TRIQK: variants seen among roughly 807,000 people sequenced by gnomAD.
The protein encoded by TRIQK is triple QxxK/R motif containing.
A neutral mutation model predicts 10.8 loss-of-function variants in TRIQK; 10 were observed. The ratio of observed to expected loss-of-function variants is 0.92; its 90% confidence interval spans 0.57 to 1.57. TRIQK has a LOEUF of 1.57. TRIQK is among the 40% of genes most tolerant of loss of function. TRIQK has a pLI of 0.00. For missense variants in TRIQK, 107 were observed against 97.7 expected (o/e 1.09, Z -0.40); for synonymous variants, 33 against 33.7 (o/e 0.98, Z 0.07).
intron 2 of TRIQK, among the ~76,000 whole-genome samples, chr8:92,938,822 A>T (rs547766690): frequency 6.6e-6 from 1 of 152,338 alleles, no homozygotes; most frequent in African/African-American, 2.4e-5. Flanking sequence ...CTCAAAAATT[A>T]TACTTTTCAC....
At chr8:93,005,158 G>A (rs1813255113) in intron 1 of TRIQK, among the ~76,000 whole-genome samples, 1 of 152,212 alleles carries the variant, frequency 6.6e-6, no homozygotes, top group Non-Finnish European at 1.5e-5. Flanking sequence ...GAAGAAAAGA[G>A]GTTTAATTGA....
chr8:92,925,373 A>G (rs577269480), intron 2 of TRIQK, among the ~76,000 whole-genome samples: 141 of 152,298 alleles, frequency 9.3e-4, no homozygotes, highest in African/African-American at 3.1e-3. Context: ...ATATATCATA[A>G]AAGAGAAAAA....
At chr8:92,982,362 A>G (rs1329906972) in intron 1 of TRIQK, among the ~76,000 whole-genome samples, 1 of 152,006 alleles carries the variant, frequency 6.6e-6, no homozygotes, top group East Asian at 1.9e-4. Context: ...AGAAATAAAG[A>G]TTTATGTATT....
At chr8:92,890,618 G>A (rs1816713834) in intron 4 of TRIQK, among the ~76,000 whole-genome samples, 1 of 151,606 alleles carries the variant, frequency 6.6e-6, no homozygotes, top group African/African-American at 2.4e-5. Flanking sequence ...GTATAAAACT[G>A]GTATATAAAT....
chr8:92,973,490 T>C (rs553290409), intron 1 of TRIQK: 1 of 152,322 alleles, frequency 6.6e-6, no homozygotes, highest in Admixed American at 6.5e-5. Context: ...GATGGCACAT[T>C]TTACTTTTTT....
At chr8:93,008,739 A>C (rs1467736455) in intron 1 of TRIQK, among the ~76,000 whole-genome samples, 1 of 152,210 alleles carries the variant, frequency 6.6e-6, no homozygotes, top group Non-Finnish European at 1.5e-5. Context: ...TGGTGAAAGG[A>C]TAGTCTCTTC....
intron 1 of TRIQK, among the ~76,000 whole-genome samples, chr8:92,960,216 A>G (rs1223131395): frequency 6.6e-6 from 1 of 151,990 alleles, no homozygotes; most frequent in Non-Finnish European, 1.5e-5. Context: ...CTATCTATCT[A>G]TCTATGTATC....
intron 3 of TRIQK, among the ~76,000 whole-genome samples, chr8:92,895,568 G>T (rs1028819799): frequency 6.6e-6 from 1 of 152,178 alleles, no homozygotes; most frequent in Non-Finnish European, 1.5e-5. Flanking sequence ...GTCATAATCA[G>T]AATGTTTGTA....
rs975630869 is a variant in TRIQK, at chr8:92,893,450, A to G, written c.62-1376T>C. On this transcript the variant is annotated intron_variant, in intron 3 of 4. Coordinates refer to ENST00000521988, the MANE Select transcript of TRIQK (RefSeq NM_001171797.2). ...ATGAGCATGCAGAAGCTTAATAAATATTATTTGATGATGGGGTCTGATGAT... is the reference window on the plus strand; with the variant it reads ...ATGAGCATGCAGAAGCTTAATAAATGTTATTTGATGATGGGGTCTGATGAT... Among the ~76,000 whole-genome samples the G allele has an allele frequency of 2.6e-5, 4 of 152,016 alleles. No homozygotes were observed. The East Asian group carries it at 7.7e-4, about 29-fold the overall frequency.
At chr8:92,937,509 T>A (rs1811051650) in intron 2 of TRIQK, among the ~76,000 whole-genome samples, 1 of 151,778 alleles carries the variant, frequency 6.6e-6, no homozygotes, top group Admixed American at 6.6e-5. Flanking sequence ...TGTAATTAAA[T>A]ATGTTTGCAT....
chr8:92,990,849 T>G (rs1813088528), intron 1 of TRIQK, among the ~76,000 whole-genome samples: 1 of 152,072 alleles, frequency 6.6e-6, no homozygotes, highest in Non-Finnish European at 1.5e-5. Context: ...CCAAGCTAGC[T>G]GCAGGAGTTT....
intron 2 of TRIQK, chr8:92,922,131 A>G (rs141231279): frequency 6.6e-6 from 1 of 151,928 alleles, no homozygotes; most frequent in African/African-American, 2.4e-5. Context: ...CTAAGAAAAC[A>G]TTTTAAAATT....
intron 4 of TRIQK, among the ~76,000 whole-genome samples, chr8:92,889,834 T>G (rs563683288): frequency 6.6e-6 from 1 of 151,708 alleles, no homozygotes; most frequent in Non-Finnish European, 1.5e-5. Flanking sequence ...GGGGATAGGA[T>G]TCTAGGCCTC....
Position 92,898,840 on chromosome 8 carries a change from T to C in TRIQK, c.62-6766A>G, listed in dbSNP as rs1377638008. ...CATAATAGGTGTGTGTGTGTATATA[T>C]ATATATATATATATATATATATATA... On this transcript the variant is annotated intron_variant, in intron 3 of 4. Transcript: ENST00000521988. Among the ~76,000 whole-genome samples, 3 of 70,300 alleles carry C rather than the reference T, an allele frequency of 4.3e-5. No homozygotes were observed. In the East Asian group the frequency reaches 1.1e-3, roughly 25 times the overall value. The allele number at this position is 70,300 out of a possible 152,430, so 46.1% of individuals were successfully genotyped here. A position where few individuals can be genotyped will look rare whatever the true frequency, so the allele number is the denominator to read the frequency against.
chr8:92,906,434 A>G (rs1028380234), intron 3 of TRIQK, among the ~76,000 whole-genome samples: 2 of 152,202 alleles, frequency 1.3e-5, no homozygotes, highest in East Asian at 3.9e-4. Context: ...AATTTAATAC[A>G]ATTTTTAAAT....
chr8:93,009,983 T>C (rs1046507746), intron 1 of TRIQK, among the ~76,000 whole-genome samples: 2 of 152,110 alleles, frequency 1.3e-5, no homozygotes, highest in South Asian at 2.1e-4. Flanking sequence ...TGGATGAAGC[T>C]AAAGGACATT....
chr8:92,932,815 C>A (rs1304730950), intron 2 of TRIQK, among the ~76,000 whole-genome samples: 1 of 152,016 alleles, frequency 6.6e-6, no homozygotes, highest in Admixed American at 6.6e-5. Context: ...TAATGTATAT[C>A]ATTTTTAAAA....
chr8:92,916,478 T>C (rs1809853825), intron 3 of TRIQK, among the ~76,000 whole-genome samples: 1 of 152,134 alleles, frequency 6.6e-6, no homozygotes, highest in Admixed American at 6.5e-5. Flanking sequence ...CTTTCTTTTT[T>C]TCTGAACTCA....
At chr8:92,958,216 T>C (rs568800178) in intron 1 of TRIQK, among the ~76,000 whole-genome samples, 8 of 152,096 alleles carry the variant, frequency 5.3e-5, no homozygotes, top group South Asian at 4.1e-4. Context: ...CAAGAACCCA[T>C]TGACAGCTTA....
Sources: allele counts gnomAD v4.1 joint callset (sites outside exome capture counted in the v4.1 genomes callset), GRCh38; gene constraint gnomAD v4.1.1; transcripts MANE v1.5; gene names NCBI Gene and HGNC (gene_info 2026-07-23, HGNC 2026-07-21).